VPS39: variants seen among roughly 807,000 people sequenced by gnomAD.
VPS39 encodes vam6/Vps39-like protein.
Under a neutral mutation model 121.0 loss-of-function variants are expected in VPS39, and 70 were observed. That is an observed-to-expected ratio of 0.58 (90% confidence interval 0.48 to 0.71). The LOEUF (loss-of-function observed/expected upper bound fraction) is 0.71, where lower values mean the gene tolerates loss of function less well. VPS39 is among the 30% of genes least tolerant of loss of function. VPS39 has a pLI of 0.00. For missense variants in VPS39, 818 were observed against 1,051.5 expected (o/e 0.78, Z 3.07); for synonymous variants, 378 against 398.1 (o/e 0.95, Z 0.60).
At chr15:42,180,913 T>C (rs137996416) in intron 8 of VPS39, among the ~76,000 whole-genome samples, 1,537 of 152,286 alleles carry the variant, frequency 0.01, 89 homozygotes, top group Admixed American at 0.088. Context: ...TTGCGCACTG[T>C]TGGTGGGACT....
rs564667418 is a variant in VPS39 at position 42,182,352 on chromosome 15, G to A, written c.718+2165C>T. Among the ~76,000 whole-genome samples, 27 of 152,140 alleles carry A rather than the reference G, an allele frequency of 1.8e-4. No homozygotes were observed. The South Asian group carries it at 5.0e-3, about 28-fold the overall frequency. On this transcript the variant is annotated intron_variant, in intron 8 of 24. Coordinates refer to ENST00000318006, the MANE Select transcript of VPS39 (RefSeq NM_015289.5). ...TTTAAAATCTGTCCCACTTGAATAC[G>A]TTCTCATTTAATTAAAAAGGTAATC...
At position 42,160,770 on chromosome 15, in the gene VPS39, T is replaced by G; in HGVS notation, c.2612A>C (p.Asn871Thr). The G allele has an allele frequency of 9.9e-6, 16 of 1,614,126 alleles. No homozygotes were observed. The highest frequency in any genetic ancestry group is 1.4e-5 in the Non-Finnish European group (16 of 1,179,982). The change falls in exon 25 of 25, where the codon AAC becomes ACC. Residue 871 changes from asparagine (N) to threonine (T), a missense_variant. Physicochemically the swap from Asn to Thr is moderately conservative, Grantham distance 65. Coordinates refer to ENST00000318006, the MANE Select transcript of VPS39 (RefSeq NM_015289.5). ...ATGCTGGGCTCAAGTGTCAGCTGGG[T>G]TTACCTCTTTGGAACAGAAGTAATG... ...VVHYFCSKEV[N>T]PADT
chr15:42,199,887 T>A lies in VPS39; in HGVS notation c.139+9A>T. On this transcript the variant is annotated intron_variant, in intron 2 of 24. Transcript: ENST00000318006. ...AACTTATTTTTTTGCATGAGCAATG[T>A]GCACTTACCAACGTCCTTCCGAATC... 1 of 1,582,998 alleles carries A rather than the reference T, an allele frequency of 6.3e-7. No individual in the cohort carries two copies. Among genetic ancestry groups the A allele is most frequent in the Non-Finnish European group, 8.5e-7 (1 of 1,170,256 alleles).
chr15:42,177,186 A>C (rs1595657795), intron 10 of VPS39, among the ~76,000 whole-genome samples: 3 of 151,204 alleles, frequency 2.0e-5, no homozygotes, highest in Admixed American at 2.0e-4. Context: ...AAAAAAAAAA[A>C]AAACCTCAAA....
chr15:42,161,096 G>A, intron 24 of VPS39: 1 of 436,324 alleles, frequency 2.3e-6, no homozygotes. Flanking sequence ...ATTAAAGATG[G>A]GCAGTGCACC....
At chr15:42,171,176 C>T (rs569582547) in intron 11 of VPS39, among the ~76,000 whole-genome samples, 1 of 152,322 alleles carries the variant, frequency 6.6e-6, no homozygotes, top group South Asian at 2.1e-4. Flanking sequence ...TCCATTTCTA[C>T]TCCTTTATAG....
At position 42,173,742 on chromosome 15, in the gene VPS39, G is replaced by A; in HGVS notation, c.1071C>T (p.Val357=). The A allele has an allele frequency of 6.2e-7, 1 of 1,614,014 alleles. No individual in the cohort carries two copies. The change falls in exon 11 of 25, where the codon GTC becomes GTT. Residue 357 remains valine (V), a synonymous_variant. Transcript: ENST00000318006. Reference sequence around the variant, plus strand: ...TGTTACCTGTGCCAAGTTTAGCAAAGACCTGCATGGACTCATCAAAACGCT... The same window carrying A: ...TGTTACCTGTGCCAAGTTTAGCAAAAACCTGCATGGACTCATCAAAACGCT... ...CQKRFDESMQ[V]FAKLGTDPTH...
intron 18 of VPS39, 130 bp downstream of exon 18, chr15:42,164,866 C>T (rs1250890304): frequency 6.8e-7 from 1 of 1,477,352 alleles, no homozygotes; most frequent in South Asian, 1.4e-5. Context: ...GCTCCCCTGG[C>T]TCCTCTTCAG....
chr15:42,164,624 CTTCT>C (rs1290925931), intron 18 of VPS39, 138 bp from the exon 19 acceptor site: 2 of 1,447,958 alleles, frequency 1.4e-6, no homozygotes, highest in Non-Finnish European at 1.8e-6. Flanking sequence ...TCCATGCTAA[CTTCT>C]TTTAGTTCAT....
rs771673782 is a variant in VPS39, at chr15:42,162,405, A to G, written c.2252T>C (p.Leu751Pro). ...HCLGPIKLEL[L>P]EPKANLQAAL... is the part of the protein sequence containing the mutation. ...GGCCTGGAGGTTGGCTTTTGGCTCCAGTAGTTCCAGCTTGATTGGCCCCAG... is the reference window on the plus strand; with the variant it reads ...GGCCTGGAGGTTGGCTTTTGGCTCCGGTAGTTCCAGCTTGATTGGCCCCAG... Residue 751 changes from leucine (L) to proline (P), a missense_variant, in exon 22 of 25, where the codon CTG becomes CCG. Leu to Pro is a moderately conservative substitution (Grantham distance 98, BLOSUM62 -3). Coordinates refer to ENST00000318006, the MANE Select transcript of VPS39 (RefSeq NM_015289.5). 6.2e-7 allele frequency: 1 copy of G among 1,613,840 alleles called. No individual in the cohort carries two copies. The highest frequency in any genetic ancestry group is 8.5e-7 in the Non-Finnish European group (1 of 1,179,926).
At chr15:42,177,157 T>C (rs1344235722) in intron 10 of VPS39, among the ~76,000 whole-genome samples, 2 of 107,672 alleles carry the variant, frequency 1.9e-5, no homozygotes, top group African/African-American at 8.2e-5. Context: ...AGTGAGACCC[T>C]GTTTTAAAAA....
chr15:42,187,858 T>C lies in VPS39; in HGVS notation c.343-2A>G. ...CACCTCCTCACCGGTCTCTGTGTGCTGGGAGGAGACATGCAGAGCAAATGA... is the reference window on the plus strand; with the variant it reads ...CACCTCCTCACCGGTCTCTGTGTGCCGGGAGGAGACATGCAGAGCAAATGA... On this transcript the variant is annotated splice_acceptor_variant, in intron 5 of 24. Transcript: ENST00000318006. LOFTEE classifies it high-confidence loss of function. The C allele has an allele frequency of 1.9e-6, 3 of 1,613,692 alleles. No individual in the cohort carries two copies. Among genetic ancestry groups the C allele is most frequent in the Non-Finnish European group, 2.5e-6 (3 of 1,179,568 alleles).
intron 21 of VPS39, among the ~76,000 whole-genome samples, 155 bp downstream of exon 21, chr15:42,163,195 T>C (rs1287859779): frequency 6.6e-6 from 1 of 152,106 alleles, no homozygotes; most frequent in Admixed American, 6.5e-5. Flanking sequence ...CCAGGATGAA[T>C]GGTCCCCTGC....
chr15:42,187,142 C>T (rs2049719892), intron 7 of VPS39, 129 bp downstream of exon 7: 6 of 646,806 alleles, frequency 9.3e-6, no homozygotes, highest in African/African-American at 9.2e-5. Flanking sequence ...ATGATAACTA[C>T]ACATACAAAT....
At chr15:42,162,755 CAA>C (rs1271127043) in intron 21 of VPS39, 4 of 321,182 alleles carry the variant, frequency 1.2e-5, no homozygotes, top group South Asian at 1.9e-4. Flanking sequence ...TAAAACAATT[CAA>C]AAAGATTCCT....
At chr15:42,164,919 C>A (rs1288192570) in intron 18 of VPS39, 77 bp downstream of exon 18, 6 of 1,589,470 alleles carry the variant, frequency 3.8e-6, no homozygotes, top group Non-Finnish European at 5.1e-6. Context: ...GCCTGCTTAC[C>A]CCCACCACAC....
intron 4 of VPS39, 143 bp from the exon 5 acceptor site, chr15:42,189,351 A>T (rs2049773099): frequency 1.6e-6 from 1 of 638,178 alleles, no homozygotes; most frequent in Non-Finnish European, 2.8e-6. Flanking sequence ...CAGTTTCACT[A>T]GGATGATTCA....
chr15:42,169,152 A>G (rs550619493), intron 12 of VPS39, among the ~76,000 whole-genome samples: 5 of 152,358 alleles, frequency 3.3e-5, no homozygotes, highest in African/African-American at 1.2e-4. Flanking sequence ...TTCTCAGTAT[A>G]TGGCTAAATT....
At chr15:42,206,915 A>C (rs1028490516) in intron 1 of VPS39, among the ~76,000 whole-genome samples, 1 of 152,204 alleles carries the variant, frequency 6.6e-6, no homozygotes, top group African/African-American at 2.4e-5. Flanking sequence ...TAAATGTTTA[A>C]TGAGAGCATT....
Sources: allele counts gnomAD v4.1 joint callset (sites outside exome capture counted in the v4.1 genomes callset), GRCh38; gene constraint gnomAD v4.1.1; transcripts MANE v1.5; gene names NCBI Gene and HGNC (gene_info 2026-07-23, HGNC 2026-07-21).